The following GRIN2A variants were observed in gnomAD, a reference collection of about 807,000 sequenced individuals.
GRIN2A encodes glutamate ionotropic receptor NMDA type subunit 2A, also known as glutamate receptor ionotropic, NMDA 2A.
A neutral mutation model predicts 113.4 loss-of-function variants in GRIN2A; 22 were observed. The observed-to-expected ratio is 0.19, with a 90% CI of 0.14 to 0.28. The LOEUF (loss-of-function observed/expected upper bound fraction) is 0.28, where lower values mean the gene tolerates loss of function less well. Among genes scored for constraint, GRIN2A ranks in the 10% least tolerant of loss-of-function variants. The pLI, the probability that GRIN2A is intolerant of heterozygous loss-of-function variation, is 1.00. For missense variants in GRIN2A, 1,502 were observed against 1,887.0 expected (o/e 0.80, Z 3.78); for synonymous variants, 827 against 738.4 (o/e 1.12, Z -1.94).
At chr16:10,085,590 T>A (rs1567287660) in intron 2 of GRIN2A, among the ~76,000 whole-genome samples, 1 of 152,136 alleles carries the variant, frequency 6.6e-6, no homozygotes, top group African/African-American at 2.4e-5. Flanking sequence ...CAGGAAGGAA[T>A]GTTGCTTGGT....
intron 4 of GRIN2A, among the ~76,000 whole-genome samples, chr16:9,861,741 A>G (rs936723283): frequency 2.0e-5 from 3 of 152,172 alleles, no homozygotes; most frequent in Non-Finnish European, 4.4e-5. Flanking sequence ...CCTGTGTGGT[A>G]TGCACAAACA....
intron 8 of GRIN2A, among the ~76,000 whole-genome samples, chr16:9,831,761 C>T (rs1249823119): frequency 6.6e-6 from 1 of 151,982 alleles, no homozygotes; most frequent in South Asian, 2.1e-4. Flanking sequence ...AGTGATCTGC[C>T]CACCTCAGCC....
intron 5 of GRIN2A, among the ~76,000 whole-genome samples, chr16:9,844,370 C>A (rs1168859166): frequency 1.3e-5 from 2 of 152,198 alleles, no homozygotes; most frequent in African/African-American, 2.4e-5. Context: ...ATGAAAAAGG[C>A]ACGCAGCAAA....
chr16:9,772,306 A>G (rs951916405), intron 11 of GRIN2A, among the ~76,000 whole-genome samples: 3 of 152,202 alleles, frequency 2.0e-5, no homozygotes, highest in African/African-American at 7.2e-5. Flanking sequence ...TCTTCTCACA[A>G]AAACACCAAT....
Position 9,763,902 on chromosome 16 carries a change from G to C in GRIN2A, c.3642C>G (p.Cys1214Trp). 2 of 1,614,166 alleles carry C rather than the reference G, an allele frequency of 1.2e-6. No homozygotes were observed. The highest frequency in any genetic ancestry group is 1.7e-6 in the Non-Finnish European group (2 of 1,180,022). ...SERYRQNSTH[C>W]RSCLSNMPTY... ...TGGGCATGTTGGAAAGGCAGCTTCTGCAGTGCGTGGAGTTCTGCCGGTATC... is the reference window on the plus strand; with the variant it reads ...TGGGCATGTTGGAAAGGCAGCTTCTCCAGTGCGTGGAGTTCTGCCGGTATC... Residue 1214 changes from cysteine to tryptophan, a missense_variant, in exon 13 of 13, where the codon TGC (cysteine) becomes TGG (tryptophan). Around this residue, in one of 7 missense-constraint regions of GRIN2A, gnomAD observed 832 missense variants for 789.7 expected, o/e 1.05. Coordinates refer to ENST00000330684, the MANE Select transcript of GRIN2A (RefSeq NM_001134407.3).
At chr16:9,939,077 A>G (rs1596345483) in intron 2 of GRIN2A, among the ~76,000 whole-genome samples, 2 of 152,230 alleles carry the variant, frequency 1.3e-5, no homozygotes, top group Admixed American at 1.3e-4. Context: ...TCACTTGAAC[A>G]TACGGCTCCC....
intron 2 of GRIN2A, among the ~76,000 whole-genome samples, chr16:10,142,191 A>C (rs73514644): frequency 0.024 from 3,642 of 152,294 alleles, 141 homozygotes; most frequent in African/African-American, 0.084. Context: ...CCACAGGGAA[A>C]TGAGGAAATG....
At chr16:10,075,311 A>T (rs1426061714) in intron 2 of GRIN2A, among the ~76,000 whole-genome samples, 1 of 152,120 alleles carries the variant, frequency 6.6e-6, no homozygotes, top group Non-Finnish European at 1.5e-5. Flanking sequence ...GCCCTAGAGA[A>T]ATGACGTGAC....
At chr16:9,836,281 A>G (rs1025269568) in intron 7 of GRIN2A, among the ~76,000 whole-genome samples, 15 of 152,264 alleles carry the variant, frequency 9.9e-5, no homozygotes, top group African/African-American at 3.6e-4. Flanking sequence ...GTGTGATTCC[A>G]GGATTAAAGC....
Position 9,762,769 on chromosome 16 carries a change from G to T in GRIN2A, c.*380C>A. ...AGAGAAACCATTAGGCATTTCTGAT[G>T]AGAAAATTACATGGTGGGCTGACCT... On this transcript the variant is annotated 3_prime_UTR_variant, in exon 13 of 13. Transcript: ENST00000330684. 5.1e-6 allele frequency: 2 copies of T among 394,488 alleles called. No homozygotes were observed. The highest frequency in any genetic ancestry group is 9.3e-6 in the Non-Finnish European group (2 of 215,208). The allele number at this position is 394,488 out of a possible 1,614,324, so 24.4% of individuals were successfully genotyped here. A position where few individuals can be genotyped will look rare whatever the true frequency, so the allele number is the denominator to read the frequency against.
intron 3 of GRIN2A, among the ~76,000 whole-genome samples, chr16:9,909,938 T>G (rs1313751864): frequency 6.6e-6 from 1 of 152,186 alleles, no homozygotes; most frequent in African/African-American, 2.4e-5. Context: ...GTAATACATG[T>G]ATTTCATGTA....
chr16:10,095,556 A>G (rs948056426), intron 2 of GRIN2A, among the ~76,000 whole-genome samples: 2 of 152,230 alleles, frequency 1.3e-5, no homozygotes, highest in African/African-American at 4.8e-5. Context: ...AAAGCTGGTG[A>G]GTAAAAACAT....
intron 2 of GRIN2A, among the ~76,000 whole-genome samples, chr16:10,029,768 G>A (rs535891684): frequency 6.6e-6 from 1 of 152,094 alleles, no homozygotes; most frequent in Non-Finnish European, 1.5e-5. Flanking sequence ...GCCGAAGGGG[G>A]TGTAGATCAC....
chr16:9,994,208 C>T (rs996440243), intron 2 of GRIN2A, among the ~76,000 whole-genome samples: 1 of 152,054 alleles, frequency 6.6e-6, no homozygotes, highest in Non-Finnish European at 1.5e-5. Context: ...ATTTCCAACG[C>T]GAACTGCTGA....
At chr16:9,898,128 G>A (rs191068136) in intron 3 of GRIN2A, among the ~76,000 whole-genome samples, 28 of 143,418 alleles carry the variant, frequency 2.0e-4, no homozygotes, top group Admixed American at 5.1e-4. Context: ...GTTTCATATG[G>A]TTTAACCTAA....
intron 2 of GRIN2A, among the ~76,000 whole-genome samples, chr16:9,995,680 A>G (rs1180192181): frequency 6.6e-6 from 1 of 152,202 alleles, no homozygotes; most frequent in East Asian, 1.9e-4. Context: ...AGTGTATGCT[A>G]TGCTTATAAT....
intron 3 of GRIN2A, among the ~76,000 whole-genome samples, chr16:9,918,430 TA>T (rs1305680670): frequency 6.6e-6 from 1 of 152,182 alleles, no homozygotes; most frequent in African/African-American, 2.4e-5. Context: ...ATAGAACAAT[TA>T]TAACAATATG....
intron 4 of GRIN2A, among the ~76,000 whole-genome samples, chr16:9,878,286 T>C (rs1347252465): frequency 6.6e-6 from 1 of 152,196 alleles, no homozygotes; most frequent in Non-Finnish European, 1.5e-5. Flanking sequence ...TTTACCACTG[T>C]ATGGCCTTGG....
chr16:10,038,112 G>C (rs1484737245), intron 2 of GRIN2A, among the ~76,000 whole-genome samples: 1 of 152,186 alleles, frequency 6.6e-6, no homozygotes, highest in East Asian at 1.9e-4. Flanking sequence ...CCAGAGGTTG[G>C]GAAGTCCAAG....
Sources: gnomAD v4.1 joint callset for allele counts (sites outside exome capture counted in the v4.1 genomes callset) on GRCh38, gnomAD v4.1.1 for gene constraint, gnomAD v4.1.1 regional missense constraint, MANE v1.5 for transcripts, NCBI Gene and HGNC (gene_info 2026-07-23, HGNC 2026-07-21) for gene names.